The following CPA6 variants were observed in gnomAD, a reference collection of about 807,000 sequenced individuals.
The protein encoded by CPA6 is carboxypeptidase A6, also known as carboxypeptidase B.
A neutral mutation model predicts 63.3 loss-of-function variants in CPA6; 58 were observed. That is an observed-to-expected ratio of 0.92 (90% CI 0.74 to 1.14). CPA6 has a LOEUF of 1.14. CPA6 is among the 50% of genes most tolerant of loss of function. CPA6 has a pLI of 0.00. For synonymous variants in CPA6, 185 were observed against 179.0 expected (o/e 1.03, Z -0.27); for missense variants, 565 against 526.6 (o/e 1.07, Z -0.71).
At chr8:67,561,438 T>G (rs1277247407) in intron 2 of CPA6, among the ~76,000 whole-genome samples, 1 of 152,198 alleles carries the variant, frequency 6.6e-6, no homozygotes, top group Non-Finnish European at 1.5e-5. Context: ...TAGCATGATT[T>G]TCTTGTGTTC....
intron 2 of CPA6, among the ~76,000 whole-genome samples, chr8:67,609,753 G>A (rs1483054744): frequency 6.6e-6 from 1 of 152,182 alleles, no homozygotes; most frequent in African/African-American, 2.4e-5. Flanking sequence ...CGGGCACGGT[G>A]GCTCATGCCT....
chr8:67,684,030 T>TATATAA (rs1491203421), intron 1 of CPA6, among the ~76,000 whole-genome samples: 1 of 133,472 alleles, frequency 7.5e-6, no homozygotes, highest in Non-Finnish European at 1.6e-5. Context: ...TATATATATA[T>TATATAA]AATTTTTATT....
rs1811931536 is a variant in CPA6 at position 67,506,657 on chromosome 8, A to AT, written c.636+129dup. 3 of 635,548 alleles carry AT rather than the reference A, an allele frequency of 4.7e-6. No homozygotes were observed. In the Admixed American group the frequency reaches 7.1e-5, roughly 15 times the overall value. The allele number at this position is 635,548 out of a possible 1,614,324, so 39.4% of individuals were successfully genotyped here. A position where few individuals can be genotyped will look rare whatever the true frequency, so the allele number is the denominator to read the frequency against. ...AACTTCATAAACATGAAAGCAGCCC[A>AT]TGGAATCAAGGTGTTACTGTTATTC... On this transcript the variant is annotated intron_variant, in intron 6 of 10. Transcript: ENST00000297770.
At chr8:67,513,363 C>T (rs929216575) in intron 3 of CPA6, among the ~76,000 whole-genome samples, 17 of 152,222 alleles carry the variant, frequency 1.1e-4, no homozygotes, top group East Asian at 1.9e-4. Flanking sequence ...AAGAGGGATA[C>T]GAGTTTGACT....
At chr8:67,508,102 A>T (rs1262381269) in intron 5 of CPA6, among the ~76,000 whole-genome samples, 1 of 150,126 alleles carries the variant, frequency 6.7e-6, no homozygotes, top group Non-Finnish European at 1.5e-5. Flanking sequence ...TGGAGGATGG[A>T]TTAGAGCATG....
At chr8:67,716,669 G>A (rs932880918) in intron 1 of CPA6, among the ~76,000 whole-genome samples, 2 of 152,206 alleles carry the variant, frequency 1.3e-5, no homozygotes, top group Middle Eastern at 3.2e-3. Flanking sequence ...TGAAAGGGAG[G>A]TGTGCAGCTT....
intron 8 of CPA6, among the ~76,000 whole-genome samples, chr8:67,436,879 A>G (rs1054249499): frequency 2.0e-5 from 3 of 152,182 alleles, no homozygotes; most frequent in Non-Finnish European, 2.9e-5. Context: ...ACTAGTAGAA[A>G]ATATTTGGTG....
intron 8 of CPA6, among the ~76,000 whole-genome samples, chr8:67,480,933 T>C (rs57070848): frequency 0.067 from 10,253 of 152,284 alleles, 807 homozygotes; most frequent in African/African-American, 0.19. Context: ...ACGTTGAGCG[T>C]ATTTTCATGT....
intron 1 of CPA6, among the ~76,000 whole-genome samples, chr8:67,659,391 G>A (rs887916736): frequency 5.3e-5 from 8 of 152,324 alleles, no homozygotes; most frequent in South Asian, 2.1e-4. Flanking sequence ...AGCACTACAC[G>A]TAAAGTGGGA....
chr8:67,646,348 A>T (rs1328162672), intron 1 of CPA6, among the ~76,000 whole-genome samples: 1 of 152,210 alleles, frequency 6.6e-6, no homozygotes, highest in Non-Finnish European at 1.5e-5. Context: ...TTTTGAACCA[A>T]GCTTCTGCTT....
At chr8:67,698,556 T>C (rs1816955663) in intron 1 of CPA6, among the ~76,000 whole-genome samples, 1 of 152,214 alleles carries the variant, frequency 6.6e-6, no homozygotes, top group Non-Finnish European at 1.5e-5. Context: ...AGTCTGTAAT[T>C]ATCTTCTAGT....
chr8:67,481,815 GA>G (rs1475844923), intron 8 of CPA6, among the ~76,000 whole-genome samples: 2 of 152,162 alleles, frequency 1.3e-5, no homozygotes, highest in African/African-American at 4.8e-5. Flanking sequence ...GGATGGACCT[GA>G]CCCTGGGAGG....
intron 1 of CPA6, among the ~76,000 whole-genome samples, chr8:67,647,966 T>C (rs1587667730): frequency 1.3e-5 from 2 of 152,294 alleles, no homozygotes; most frequent in African/African-American, 2.4e-5. Context: ...CACTGGGATA[T>C]TGGGTATCAC....
intron 1 of CPA6, among the ~76,000 whole-genome samples, chr8:67,742,357 T>G (rs1312807280): frequency 1.3e-5 from 2 of 152,140 alleles, no homozygotes; most frequent in African/African-American, 4.8e-5. Context: ...AATCTTCCAG[T>G]TTTTCTTAAA....
At chr8:67,738,624 C>T (rs532746692) in intron 1 of CPA6, among the ~76,000 whole-genome samples, 4 of 151,934 alleles carry the variant, frequency 2.6e-5, no homozygotes, top group Non-Finnish European at 2.9e-5. Context: ...TTTCGAAGTA[C>T]ACTGGAAAAA....
intron 2 of CPA6, among the ~76,000 whole-genome samples, chr8:67,538,506 AC>A (rs947008286): frequency 1.1e-3 from 148 of 136,180 alleles, no homozygotes; most frequent in African/African-American, 3.9e-3. Flanking sequence ...TAGGATTGCA[AC>A]CCCTGTTTTT....
chr8:67,531,664 C>T (rs1390386108), intron 2 of CPA6, among the ~76,000 whole-genome samples: 1 of 152,008 alleles, frequency 6.6e-6, no homozygotes, highest in Non-Finnish European at 1.5e-5. Context: ...AACATTGATA[C>T]AACAGCATCA....
chr8:67,714,320 T>A (rs1471955025), intron 1 of CPA6, among the ~76,000 whole-genome samples: 2 of 152,116 alleles, frequency 1.3e-5, no homozygotes, highest in Non-Finnish European at 2.9e-5. Flanking sequence ...TGAGGAGAAA[T>A]GAGAAGGGTG....
intron 1 of CPA6, among the ~76,000 whole-genome samples, chr8:67,652,875 C>G (rs1399745323): frequency 6.6e-6 from 1 of 150,620 alleles, no homozygotes; most frequent in Non-Finnish European, 1.5e-5. Flanking sequence ...GGTTTTAGGT[C>G]TAACATTTAA....
Sources: gnomAD v4.1 joint callset for allele counts (sites outside exome capture counted in the v4.1 genomes callset) on GRCh38, gnomAD v4.1.1 for gene constraint, MANE v1.5 for transcripts, NCBI Gene and HGNC (gene_info 2026-07-23, HGNC 2026-07-21) for gene names.